UBALD2: variants seen among roughly 807,000 people sequenced by gnomAD.
The protein encoded by UBALD2 is UBA-like domain-containing protein 2.
In UBALD2, 8 loss-of-function variants were observed where a neutral mutation model predicts 15.9. That is an observed-to-expected ratio of 0.50 (90% CI 0.29 to 0.91). UBALD2 has a LOEUF of 0.91. Among genes scored for constraint, UBALD2 ranks in the 40% least tolerant of loss-of-function variants. The probability of loss-of-function intolerance (pLI) is 0.07; values close to 1 mark genes in which losing one functional copy is unlikely to be tolerated. For missense variants in UBALD2, 178 were observed against 234.8 expected, an observed-to-expected ratio of 0.76 and a Z score of 1.58; for synonymous variants, 113 against 97.7, an observed-to-expected ratio of 1.16 and a Z score of -0.93.
At chr17:76,266,672 G>A (rs2070548083) in intron 2 of UBALD2, among the ~76,000 whole-genome samples, 1 of 152,166 alleles carries the variant, frequency 6.6e-6, no homozygotes, top group Non-Finnish European at 1.5e-5. Flanking sequence ...GTCTGGATTT[G>A]CTTTCTTTTT....
intron 2 of UBALD2, 107 bp from the exon 3 acceptor site, chr17:76,270,087 A>G: frequency 5.9e-6 from 7 of 1,191,966 alleles, no homozygotes; most frequent in Non-Finnish European, 8.3e-6. Flanking sequence ...GCGAAAATGA[A>G]TGAAGCTGAA....
intron 2 of UBALD2, among the ~76,000 whole-genome samples, chr17:76,268,451 C>A (rs1312114778): frequency 6.6e-6 from 1 of 150,572 alleles, no homozygotes; most frequent in Non-Finnish European, 1.5e-5. Flanking sequence ...ACCCTTCATT[C>A]ATTGTTTCCT....
intron 2 of UBALD2, 29 bp downstream of exon 2, chr17:76,265,998 CG>C: frequency 6.4e-7 from 1 of 1,552,508 alleles, no homozygotes. Flanking sequence ...GGGCGCGGGC[CG>C]GGGCCGCTGT....
chr17:76,265,629 C>G lies in UBALD2; in HGVS notation c.120+4C>G, dbSNP rs768300658. On this transcript the variant is annotated splice_donor_region_variant and intron_variant, in intron 1 of 2. Transcript: ENST00000327490. ...GGCGGCCCACTGGCAGTTCGAGGTG[C>G]GAGCCTGGCCGCCGCGGGGCCGGGC... The G allele has an allele frequency of 1.9e-4, 224 of 1,193,364 alleles. No homozygotes were observed. Among genetic ancestry groups the G allele is most frequent in the Non-Finnish European group, 2.3e-4 (217 of 957,776 alleles). 73.9% of individuals were successfully genotyped at this position (1,193,364 alleles called of 1,614,324 possible).
At chr17:76,265,802 G>T (rs1346515945) in intron 1 of UBALD2, 105 bp from the exon 2 acceptor site, 1 of 1,471,204 alleles carries the variant, frequency 6.8e-7, no homozygotes, top group Non-Finnish European at 9.1e-7. Context: ...CGAGGGTCGG[G>T]GGCCGCGGGC....
chr17:76,265,742 C>T lies in UBALD2; in HGVS notation c.120+117C>T, dbSNP rs938156838. ...AGGCGATCGGCGCCCGCGAGCGGGT[C>T]TTACGCGGGACCGGGGCCGGGACCG... On this transcript the variant is annotated intron_variant, in intron 1 of 2. Transcript: ENST00000327490. 4 of 1,325,880 alleles carry T rather than the reference C, an allele frequency of 3.0e-6. No homozygotes were observed. The African/African-American group carries it at 6.3e-5, about 21-fold the overall frequency. 82.1% of individuals were successfully genotyped at this position (1,325,880 alleles called of 1,614,324 possible).
At position 76,269,764 on chromosome 17, in the gene UBALD2, T is replaced by G. The variant is rs1266087521; in HGVS notation, c.184-430T>G. 6.6e-6 allele frequency among the ~76,000 whole-genome samples: 1 copy of G among 152,106 alleles called. No homozygotes were observed. Among genetic ancestry groups the G allele is most frequent in the Non-Finnish European group, 1.5e-5 (1 of 67,994 alleles). On this transcript the variant is annotated intron_variant, in intron 2 of 2. Coordinates refer to ENST00000327490, the MANE Select transcript of UBALD2 (RefSeq NM_182565.4). This position sits in a 1 kb window ranked among gnomAD's most constrained non-coding sequence, Gnocchi z 4.6. ...CAGGGTTGGCACAGGAGGGAGAGCC[T>G]CCCCGCTGGCCGCTCTCCCTTGCCT... is the stretch of plus-strand genomic sequence containing the variant.
At position 76,265,519 on chromosome 17, in the gene UBALD2, T is replaced by C. The variant is rs767624540; in HGVS notation, c.14T>C (p.Met5Thr). 1.4e-5 allele frequency: 18 copies of C among 1,286,650 alleles called. No homozygotes were observed. In the East Asian group the frequency reaches 4.4e-4, roughly 31 times the overall value. The allele number at this position is 1,286,650 out of a possible 1,614,324, so 79.7% of individuals were successfully genotyped here. Residue 5 changes from methionine (M) to threonine (T), a missense_variant, in exon 1 of 3, where the codon ATG becomes ACG. By Grantham distance (81) the Met-to-Thr change is moderately conservative. Coordinates refer to ENST00000327490, the MANE Select transcript of UBALD2 (RefSeq NM_182565.4). ...CCGCGCCGCGCCATGTCGGTGAACA[T>C]GGACGAGCTGCGGCACCAGGTCATG... Reference protein sequence around the residue: MSVNMDELRHQVMIN... With the variant: MSVNTDELRHQVMIN...
In UBALD2 at chr17:76,267,062, C is replaced by T. The variant is rs556208744; in HGVS notation, c.183+1093C>T. On this transcript the variant is annotated intron_variant, in intron 2 of 2. Coordinates refer to ENST00000327490, the MANE Select transcript of UBALD2 (RefSeq NM_182565.4). ...GGAGCATGGTGCTGGCCACAGGGCTCTTAGAAACCCAAGAGGGTTTCATCT... is the reference window on the plus strand; with the variant it reads ...GGAGCATGGTGCTGGCCACAGGGCTTTTAGAAACCCAAGAGGGTTTCATCT... Among the ~76,000 whole-genome samples, 11 of 152,224 alleles carry T rather than the reference C, an allele frequency of 7.2e-5. 1 individual carries two copies. In the South Asian group the frequency reaches 2.1e-3, roughly 29 times the overall value.
rs184884511 is a variant in UBALD2, at chr17:76,268,843, C to T, written c.184-1351C>T. Among the ~76,000 whole-genome samples, 600 of 150,690 alleles carry T rather than the reference C, an allele frequency of 4.0e-3. 4 individuals are homozygous for T. Among genetic ancestry groups the T allele is most frequent in the Middle Eastern group, 0.017 (5 of 290 alleles). On this transcript the variant is annotated intron_variant, in intron 2 of 2. Transcript: ENST00000327490. ...CCACCTCCCGGGTTCAAGTGATTCT[C>T]CGGCCTCAACCTCCCAAGTAGCTGG...
At chr17:76,266,560 G>A (rs1335365589) in intron 2 of UBALD2, among the ~76,000 whole-genome samples, 8 of 152,196 alleles carry the variant, frequency 5.3e-5, no homozygotes, top group Non-Finnish European at 1.5e-5. Context: ...CATCCCCCAA[G>A]CCAGGAGGAC....
intron 2 of UBALD2, 92 bp from the exon 3 acceptor site, chr17:76,270,102 G>A: frequency 7.6e-7 from 1 of 1,311,322 alleles, no homozygotes. Flanking sequence ...GCTGAAAAAT[G>A]GGAGTAAAGG....
intron 2 of UBALD2, among the ~76,000 whole-genome samples, chr17:76,266,454 G>A (rs1291998860): frequency 6.6e-6 from 1 of 152,126 alleles, no homozygotes; most frequent in Admixed American, 6.5e-5. Flanking sequence ...AACAGGAAAG[G>A]CATGAATCCA....
intron 2 of UBALD2, among the ~76,000 whole-genome samples, chr17:76,268,438 C>T (rs550415915): frequency 1.3e-5 from 2 of 152,138 alleles, no homozygotes; most frequent in African/African-American, 2.4e-5. Context: ...GGCCTCCACC[C>T]CCACCCTTCA....
chr17:76,270,115 C>G, intron 2 of UBALD2, 79 bp from the exon 3 acceptor site: 1 of 1,441,210 alleles, frequency 6.9e-7, no homozygotes, highest in Non-Finnish European at 9.5e-7. Flanking sequence ...AGTAAAGGAG[C>G]GGCTGGCCTG....
At chr17:76,265,852 G>T in intron 1 of UBALD2, 55 bp from the exon 2 acceptor site, 1 of 1,559,696 alleles carries the variant, frequency 6.4e-7, no homozygotes, top group Middle Eastern at 1.8e-4. Flanking sequence ...GGGCCCAGCC[G>T]CTGCGTTTCC....
intron 1 of UBALD2, 63 bp from the exon 2 acceptor site, chr17:76,265,844 G>T (rs1372793179): frequency 4.5e-6 from 7 of 1,540,998 alleles, no homozygotes; most frequent in African/African-American, 1.4e-5. Flanking sequence ...CCGGTGGGGG[G>T]CCCAGCCGCT....
rs2070537052 is a variant in UBALD2, at chr17:76,265,476, G to A, written c.-30G>A. ...GCAGCCCCGCGTCTGCGTCCGGCCG[G>A]AGACGCCGGGCCCCGCGCCGCGCCG... On this transcript the variant is annotated 5_prime_UTR_variant, in exon 1 of 3. Coordinates refer to ENST00000327490, the MANE Select transcript of UBALD2 (RefSeq NM_182565.4). 3.7e-6 allele frequency: 4 copies of A among 1,076,952 alleles called. No individual in the cohort carries two copies. The Middle Eastern group carries it at 1.3e-3, about 342-fold the overall frequency. The allele number at this position is 1,076,952 out of a possible 1,614,324, so 66.7% of individuals were successfully genotyped here. A position where few individuals can be genotyped will look rare whatever the true frequency, so the allele number is the denominator to read the frequency against.
In UBALD2 at chr17:76,266,044, G is replaced by A; in HGVS notation, c.183+75G>A. Reference sequence around the variant, plus strand: ...GGTGACAGCCATGTTGCCGGGGAGCGCCGCGCCGCGAATGTAAACAAAGAG... The same window carrying A: ...GGTGACAGCCATGTTGCCGGGGAGCACCGCGCCGCGAATGTAAACAAAGAG... On this transcript the variant is annotated intron_variant, in intron 2 of 2. Coordinates refer to ENST00000327490, the MANE Select transcript of UBALD2 (RefSeq NM_182565.4). 8 of 1,487,618 alleles carry A rather than the reference G, an allele frequency of 5.4e-6. No homozygotes were observed. In the African/African-American group the frequency reaches 7.0e-5, roughly 13 times the overall value. The allele number at this position is 1,487,618 out of a possible 1,614,324, so 92.2% of individuals were successfully genotyped here. A position where few individuals can be genotyped will look rare whatever the true frequency, so the allele number is the denominator to read the frequency against.
Sources: allele counts gnomAD v4.1 joint callset (sites outside exome capture counted in the v4.1 genomes callset), GRCh38; gene constraint gnomAD v4.1.1; non-coding constraint Gnocchi (gnomAD v3.1); transcripts MANE v1.5; gene names NCBI Gene and HGNC (gene_info 2026-07-23, HGNC 2026-07-21).